Variants in ZNF407 observed in about 807,000 individuals in gnomAD.
The protein encoded by ZNF407 is zinc finger protein 407.
ZNF407 carries 17 observed loss-of-function variants against 131.2 expected under a neutral mutation model. The observed-to-expected ratio is 0.13, with a 90% CI of 0.09 to 0.19. ZNF407 has a LOEUF of 0.19. Ranked by LOEUF, ZNF407 falls within the 10% of genes least tolerant of loss-of-function variation. The pLI is 1.00. For missense variants in ZNF407, 2,681 were observed against 2,830.6 expected, an observed-to-expected ratio of 0.95 and a Z score of 1.20; for synonymous variants, 1,156 against 1,062.0, an observed-to-expected ratio of 1.09 and a Z score of -1.72.
intron 8 of ZNF407, among the ~76,000 whole-genome samples, chr18:74,958,265 T>A (rs1434393474): frequency 6.6e-6 from 1 of 152,232 alleles, no homozygotes; most frequent in Non-Finnish European, 1.5e-5. Flanking sequence ...CATCATTTAC[T>A]GAGTGTGGGT....
chr18:74,650,256 T>G (rs1426294316), intron 3 of ZNF407, among the ~76,000 whole-genome samples: 1 of 152,192 alleles, frequency 6.6e-6, no homozygotes, highest in Non-Finnish European at 1.5e-5. Flanking sequence ...AGCTGAAAAG[T>G]TCCTTTTCAG....
chr18:74,704,350 C>G (rs1252473036), intron 3 of ZNF407, among the ~76,000 whole-genome samples: 1 of 152,160 alleles, frequency 6.6e-6, no homozygotes, highest in African/African-American at 2.4e-5. Flanking sequence ...GCACTTCACT[C>G]AATCAGGACG....
intron 8 of ZNF407, among the ~76,000 whole-genome samples, chr18:75,037,651 A>G (rs1224758800): frequency 1.3e-5 from 2 of 152,206 alleles, no homozygotes; most frequent in Non-Finnish European, 2.9e-5. Context: ...ATTATTTTAC[A>G]GTACACCAAG....
intron 4 of ZNF407, among the ~76,000 whole-genome samples, chr18:74,823,085 T>C (rs1303458415): frequency 6.6e-6 from 1 of 152,002 alleles, no homozygotes; most frequent in Non-Finnish European, 1.5e-5. Flanking sequence ...TGTTGGTGTA[T>C]AGGAATTTCA....
At chr18:74,639,008 T>C (rs947788487) in intron 2 of ZNF407, among the ~76,000 whole-genome samples, 2 of 152,162 alleles carry the variant, frequency 1.3e-5, no homozygotes, top group African/African-American at 4.8e-5. Context: ...CTACTCTGAA[T>C]ATAAGATGTG....
At chr18:74,737,620 G>A (rs935312107) in intron 3 of ZNF407, among the ~76,000 whole-genome samples, 12 of 152,160 alleles carry the variant, frequency 7.9e-5, no homozygotes, top group South Asian at 4.1e-4. Flanking sequence ...GGATACATAC[G>A]CAGACACACA....
intron 4 of ZNF407, among the ~76,000 whole-genome samples, chr18:74,806,971 AC>A (rs1970119545): frequency 6.6e-6 from 1 of 152,198 alleles, no homozygotes; most frequent in South Asian, 2.1e-4. Flanking sequence ...AACACTTCTT[AC>A]CCATAGAGCT....
At chr18:74,726,418 C>A (rs1254555229) in intron 3 of ZNF407, among the ~76,000 whole-genome samples, 1 of 152,122 alleles carries the variant, frequency 6.6e-6, no homozygotes, top group East Asian at 1.9e-4. Flanking sequence ...ATATACTATG[C>A]ATGGAAGGAA....
chr18:74,686,317 T>C (rs1391190462), intron 3 of ZNF407, among the ~76,000 whole-genome samples: 2 of 152,256 alleles, frequency 1.3e-5, no homozygotes, highest in African/African-American at 4.8e-5. Flanking sequence ...ATCTTTTCCA[T>C]GTTTCCCAGT....
chr18:74,626,992 C>T (rs904244382), intron 1 of ZNF407, among the ~76,000 whole-genome samples: 1 of 152,150 alleles, frequency 6.6e-6, no homozygotes, highest in African/African-American at 2.4e-5. Flanking sequence ...TTCTCCTCTC[C>T]TTTGTTTTAT....
At chr18:74,666,465 C>A (rs1287728590) in intron 3 of ZNF407, among the ~76,000 whole-genome samples, 1 of 152,146 alleles carries the variant, frequency 6.6e-6, no homozygotes, top group Non-Finnish European at 1.5e-5. Flanking sequence ...TCCATGGAGC[C>A]CAGTTGCCTT....
chr18:74,738,695 C>T lies in ZNF407; in HGVS notation c.4803-42733C>T, dbSNP rs539643295. On this transcript the variant is annotated intron_variant, in intron 3 of 8. Transcript: ENST00000299687. ...CGGAGGTTGCAGTGAGCCAAGATCA[C>T]GCCATTCATCTCCAGCCCGGGTGAC... Among the ~76,000 whole-genome samples, 181 of 152,086 alleles carry T rather than the reference C, an allele frequency of 1.2e-3. 1 individual carries two copies. Among genetic ancestry groups the T allele is most frequent in the African/African-American group, 4.1e-3 (171 of 41,484 alleles).
rs1382408063 is a variant in ZNF407 at position 74,696,166 on chromosome 18, C to T, written c.4802+55044C>T. The stretch of plus-strand genomic sequence containing the variant: ...CTCCAAGAACGAAAATCTAGGTGGA[C>T]ACAACGTGTGCTGGCTGTTGGAGTG... On this transcript the variant is annotated intron_variant, in intron 3 of 8. Coordinates refer to ENST00000299687, the MANE Select transcript of ZNF407 (RefSeq NM_017757.3). 2.0e-5 allele frequency among the ~76,000 whole-genome samples: 3 copies of T among 152,156 alleles called. No homozygotes were observed. The East Asian group carries it at 5.8e-4, about 29-fold the overall frequency.
intron 7 of ZNF407, among the ~76,000 whole-genome samples, chr18:74,912,134 C>T (rs1332123722): frequency 6.6e-6 from 1 of 152,106 alleles, no homozygotes; most frequent in Non-Finnish European, 1.5e-5. Flanking sequence ...GGGTACTTAT[C>T]CTATAACATC....
chr18:74,836,577 A>G (rs756608765), intron 4 of ZNF407, among the ~76,000 whole-genome samples: 15 of 152,146 alleles, frequency 9.9e-5, no homozygotes, highest in Non-Finnish European at 2.2e-4. Flanking sequence ...GCCCAGTGTA[A>G]CTGACTCAGA....
At chr18:74,623,216 C>G (rs1007758889) in intron 1 of ZNF407, among the ~76,000 whole-genome samples, 3 of 150,332 alleles carry the variant, frequency 2.0e-5, no homozygotes, top group East Asian at 2.0e-4. Context: ...GAATATGTGA[C>G]TGCGTGTGTG....
intron 3 of ZNF407, among the ~76,000 whole-genome samples, chr18:74,661,989 T>G (rs140383501): frequency 6.6e-6 from 1 of 152,110 alleles, no homozygotes; most frequent in African/African-American, 2.4e-5. Flanking sequence ...TGCACTCTGA[T>G]CCAGCTGAGT....
chr18:74,907,469 G>T (rs995911954), intron 7 of ZNF407, among the ~76,000 whole-genome samples: 1 of 152,134 alleles, frequency 6.6e-6, no homozygotes, highest in African/African-American at 2.4e-5. Flanking sequence ...GTGGTCCTGT[G>T]ACCTGGCCTA....
At chr18:75,005,753 A>C (rs1178342590) in intron 8 of ZNF407, among the ~76,000 whole-genome samples, 9 of 118,542 alleles carry the variant, frequency 7.6e-5, no homozygotes, top group East Asian at 2.8e-4. Context: ...TATCATACAC[A>C]CTCTAAGTGA....
Sources: gnomAD v4.1 joint callset for allele counts (sites outside exome capture counted in the v4.1 genomes callset) on GRCh38, gnomAD v4.1.1 for gene constraint, MANE v1.5 for transcripts, NCBI Gene and HGNC (gene_info 2026-07-23, HGNC 2026-07-21) for gene names.